The following TSPAN15 variants were observed in gnomAD, a reference collection of about 807,000 sequenced individuals.
TSPAN15 encodes tetraspanin-15.
Under a neutral mutation model 34.5 loss-of-function variants are expected in TSPAN15, and 20 were observed. The observed-to-expected ratio is 0.58, with a 90% CI of 0.41 to 0.84. The LOEUF is 0.84. Among genes scored for constraint, TSPAN15 ranks in the 40% least tolerant of loss-of-function variants. TSPAN15 has a pLI of 0.00. For synonymous variants in TSPAN15, 155 were observed against 153.9 expected (o/e 1.01, Z -0.05); for missense variants, 313 against 386.1 (o/e 0.81, Z 1.59).
intron 5 of TSPAN15, among the ~76,000 whole-genome samples, chr10:69,498,728 C>T (rs1004343326): frequency 2.0e-5 from 3 of 152,092 alleles, no homozygotes; most frequent in Non-Finnish European, 1.5e-5. Flanking sequence ...GTTATTTTAC[C>T]CACTTTACAG....
At chr10:69,548,054 TG>T in the TSPAN15 span, among the ~76,000 whole-genome samples, 1 of 152,164 alleles carries the variant, frequency 6.6e-6, no homozygotes, top group Admixed American at 6.5e-5. Context: ...CTCATCCCTG[TG>T]GTCTGGAGGG....
downstream of TSPAN15, among the ~76,000 whole-genome samples, chr10:69,511,489 A>G (rs1417860690): frequency 2.0e-5 from 3 of 152,070 alleles, no homozygotes; most frequent in South Asian, 2.1e-4. Flanking sequence ...TAGTCTTGCT[A>G]GCGGTCTATT....
intron 1 of TSPAN15, among the ~76,000 whole-genome samples, chr10:69,458,079 T>A (rs929206483): frequency 2.6e-5 from 4 of 152,234 alleles, no homozygotes; most frequent in Non-Finnish European, 5.9e-5. Context: ...CCAGGCTGCC[T>A]GACTCCAGTT....
At chr10:69,462,170 T>TTTGTTTTTTTTTG (rs1841281370) in intron 1 of TSPAN15, among the ~76,000 whole-genome samples, 7 of 145,088 alleles carry the variant, frequency 4.8e-5, no homozygotes, top group African/African-American at 1.5e-4. Context: ...TTTTTTTTTT[T>TTTGTTTTTTTTTG]TTTTTTTTTT....
intron 1 of TSPAN15, among the ~76,000 whole-genome samples, chr10:69,456,992 G>T (rs1841125473): frequency 6.6e-6 from 1 of 152,170 alleles, no homozygotes; most frequent in South Asian, 2.1e-4. Flanking sequence ...AGTAAGTCAT[G>T]GGGATGTCTG....
rs961288437 is a variant in TSPAN15 at position 69,507,493 on chromosome 10, G to A, written c.*515G>A. ...GTGCCTTGAGCCCTCTTGCAAGGGC[G>A]GCTGCTTCCTTGAGCCTAGTTTTTT... On this transcript the variant is annotated 3_prime_UTR_variant, in exon 8 of 8. Coordinates refer to ENST00000373290, the MANE Select transcript of TSPAN15 (RefSeq NM_012339.5). 1.3e-5 allele frequency: 17 copies of A among 1,304,346 alleles called. No homozygotes were observed. The highest frequency in any genetic ancestry group is 2.1e-4 in the Middle Eastern group (1 of 4,722). The allele number at this position is 1,304,346 out of a possible 1,614,324, so 80.8% of individuals were successfully genotyped here.
chr10:69,537,759 C>T, the TSPAN15 span, among the ~76,000 whole-genome samples: 23 of 152,258 alleles, frequency 1.5e-4, no homozygotes, highest in South Asian at 4.1e-3. Flanking sequence ...AACGTGATTC[C>T]GTCCCTAACA....
chr10:69,537,126 TG>T, the TSPAN15 span, among the ~76,000 whole-genome samples: 1 of 151,988 alleles, frequency 6.6e-6, no homozygotes, highest in Non-Finnish European at 1.5e-5. Flanking sequence ...ATTAATTTGT[TG>T]GGGGTGGGGT....
At chr10:69,452,951 T>C (rs1428829346) in intron 1 of TSPAN15, among the ~76,000 whole-genome samples, 3 of 152,222 alleles carry the variant, frequency 2.0e-5, no homozygotes, top group Non-Finnish European at 2.9e-5. Flanking sequence ...CCTTTGTGGG[T>C]GGGGCCTTGC....
At chr10:69,510,327 T>C (rs1287157706), downstream of TSPAN15, among the ~76,000 whole-genome samples, 3 of 152,222 alleles carry the variant, frequency 2.0e-5, no homozygotes, top group Admixed American at 6.5e-5. Context: ...AGGTATTTTA[T>C]TCTCTTTATA....
chr10:69,455,764 GTA>G (rs1369277383), intron 1 of TSPAN15, among the ~76,000 whole-genome samples: 1 of 151,820 alleles, frequency 6.6e-6, no homozygotes, highest in Non-Finnish European at 1.5e-5. Context: ...GAGTTAAGGG[GTA>G]TATGAATATA....
chr10:69,518,263 A>G, the TSPAN15 span, among the ~76,000 whole-genome samples: 51 of 152,358 alleles, frequency 3.3e-4, 1 homozygote, highest in African/African-American at 1.2e-3. Flanking sequence ...AAAGAATGCA[A>G]AGGAAAAGGT....
At chr10:69,539,415 G>GGAA in the TSPAN15 span, among the ~76,000 whole-genome samples, 74 of 102,034 alleles carry the variant, frequency 7.3e-4, 4 homozygotes, top group African/African-American at 1.3e-3. Context: ...AAGAGGAAGA[G>GGAA]GAAGAAGAAG....
intron 3 of TSPAN15, chr10:69,494,906 G>A: frequency 1.0e-6 from 1 of 977,482 alleles, no homozygotes; most frequent in Non-Finnish European, 1.2e-6. Flanking sequence ...CAACAGCCGG[G>A]CTGTTGATCC....
At chr10:69,482,513 G>A (rs145972623) in intron 1 of TSPAN15, among the ~76,000 whole-genome samples, 264 of 152,322 alleles carry the variant, frequency 1.7e-3, no homozygotes, top group African/African-American at 6.0e-3. Flanking sequence ...AGTAAATTCC[G>A]TGTTATGGTA....
the TSPAN15 span, among the ~76,000 whole-genome samples, chr10:69,525,782 C>T: frequency 6.3e-5 from 9 of 142,682 alleles, no homozygotes; most frequent in African/African-American, 2.3e-4. Context: ...GATCGCACCA[C>T]TGCACTCCAG....
rs1371987262 is a variant in TSPAN15 at position 69,451,621 on chromosome 10, G to A, written c.27G>A (p.Val9=). ...TGCCGCGCGGGGACTCGGAGCAGGTGCGCTACTGCGCGCGCTTCTCCTACC... is the reference window on the plus strand; with the variant it reads ...TGCCGCGCGGGGACTCGGAGCAGGTACGCTACTGCGCGCGCTTCTCCTACC... The part of the protein sequence containing the change: MPRGDSEQ[V]RYCARFSYLW... The change falls in exon 1 of 8, where the codon GTG becomes GTA. Residue 9 remains valine (V), a synonymous_variant. Transcript: ENST00000373290. The A allele has an allele frequency of 6.5e-7, 1 of 1,529,522 alleles. No homozygotes were observed. Among genetic ancestry groups the A allele is most frequent in the Non-Finnish European group, 8.8e-7 (1 of 1,136,012 alleles). 94.7% of individuals were successfully genotyped at this position (1,529,522 alleles called of 1,614,324 possible).
chr10:69,505,947 A>G (rs1842315924), intron 6 of TSPAN15, 177 bp from the exon 7 acceptor site: 1 of 569,910 alleles, frequency 1.8e-6, no homozygotes, highest in South Asian at 2.5e-5. Flanking sequence ...TCTCTAGAGA[A>G]CAGTACTGTC....
chr10:69,503,214 G>A (rs1307416727), intron 5 of TSPAN15, among the ~76,000 whole-genome samples: 1 of 152,160 alleles, frequency 6.6e-6, no homozygotes, highest in Admixed American at 6.5e-5. Flanking sequence ...ACCGAGGGAG[G>A]TCGTCTTGCC....
Sources: gnomAD v4.1 joint callset for allele counts (sites outside exome capture counted in the v4.1 genomes callset) on GRCh38, gnomAD v4.1.1 for gene constraint, MANE v1.5 for transcripts, NCBI Gene and HGNC (gene_info 2026-07-23, HGNC 2026-07-21) for gene names.